Variants in PIGF observed in about 807,000 individuals in gnomAD.
The protein encoded by PIGF is GPI ethanolamine phosphate transferase, stabilizing subunit.
Under a neutral mutation model 26.0 loss-of-function variants are expected in PIGF, and 23 were observed. The observed-to-expected ratio is 0.88, with a 90% confidence interval of 0.64 to 1.25. The LOEUF (loss-of-function observed/expected upper bound fraction) is 1.25. Ranked by LOEUF, PIGF falls within the 50% of genes most tolerant of loss-of-function variation. The pLI is 0.00. For missense variants in PIGF, 278 were observed against 249.9 expected, an observed-to-expected ratio of 1.11 and a Z score of -0.76; for synonymous variants, 93 against 92.6, an observed-to-expected ratio of 1.00 and a Z score of -0.03.
intron 4 of PIGF, among the ~76,000 whole-genome samples, chr2:46,593,130 C>CTTTCT (rs1283210325): frequency 2.3e-5 from 3 of 131,588 alleles, no homozygotes; most frequent in Non-Finnish European, 4.9e-5. Context: ...TTCAACCAGT[C>CTTTCT]TTTCTTTTTT....
intron 4 of PIGF, among the ~76,000 whole-genome samples, chr2:46,607,329 A>G (rs1042996573): frequency 1.3e-5 from 2 of 152,216 alleles, no homozygotes; most frequent in Admixed American, 6.5e-5. Context: ...TTTACCAAGG[A>G]AACCTTTTCC....
Position 46,617,003 on chromosome 2 carries a change from A to T in PIGF, c.-55T>A. 1 of 555,920 alleles carries T rather than the reference A, an allele frequency of 1.8e-6. No individual in the cohort carries two copies. The highest frequency in any genetic ancestry group is 3.2e-6 in the Non-Finnish European group (1 of 312,262). 34.4% of individuals were successfully genotyped at this position (555,920 alleles called of 1,614,324 possible). On this transcript the variant is annotated 5_prime_UTR_variant, in exon 1 of 6. Coordinates refer to ENST00000281382, the MANE Select transcript of PIGF (RefSeq NM_002643.4). The stretch of plus-strand genomic sequence containing the variant: ...CCCTCCCGCGGAAGGGAAGCGGGGA[A>T]CTACTGCCTCCTACCATCAGGTACG...
chr2:46,597,222 C>T (rs534689446), intron 4 of PIGF, among the ~76,000 whole-genome samples: 5 of 146,974 alleles, frequency 3.4e-5, no homozygotes, highest in African/African-American at 1.3e-4. Context: ...CATCTATCTT[C>T]CTTTTTCTTT....
chr2:46,597,027 A>C (rs915954975), intron 4 of PIGF, among the ~76,000 whole-genome samples: 1 of 152,150 alleles, frequency 6.6e-6, no homozygotes, highest in African/African-American at 2.4e-5. Context: ...CACATATTCC[A>C]AAGAAGCTAA....
intron 1 of PIGF, 39 bp from the exon 2 acceptor site, chr2:46,615,224 G>A: frequency 1.2e-6 from 1 of 809,056 alleles, no homozygotes; most frequent in Non-Finnish European, 2.1e-6. Flanking sequence ...ATGCAATAAC[G>A]ACTTTTTCCA....
chr2:46,601,533 T>TA (rs1361121302), intron 4 of PIGF, among the ~76,000 whole-genome samples: 1 of 152,092 alleles, frequency 6.6e-6, no homozygotes, highest in African/African-American at 2.4e-5. Flanking sequence ...TCTCTTCATC[T>TA]AAAAAAGAGA....
chr2:46,592,063 C>G (rs1043555435), intron 5 of PIGF: 1 of 965,174 alleles, frequency 1.0e-6, no homozygotes, highest in Admixed American at 2.6e-5. Context: ...TTAAAAATTC[C>G]TATACTGGCT....
chr2:46,597,239 T>TAAAA (rs112218198), intron 4 of PIGF, among the ~76,000 whole-genome samples: 25,427 of 152,014 alleles, frequency 0.17, 3,418 homozygotes, highest in African/African-American at 0.37. Flanking sequence ...CTTTTCTTTT[T>TAAAA]AAGCACCTCT....
chr2:46,598,591 T>A (rs1669963163), intron 4 of PIGF, among the ~76,000 whole-genome samples: 1 of 149,804 alleles, frequency 6.7e-6, no homozygotes, highest in Non-Finnish European at 1.5e-5. Context: ...GTATTGCATG[T>A]GTGGCTCAAG....
At chr2:46,613,597 G>A (rs1178890104) in intron 3 of PIGF, 97 bp downstream of exon 3, 1 of 797,188 alleles carries the variant, frequency 1.3e-6, no homozygotes, top group East Asian at 2.9e-5. Flanking sequence ...TATTAATGAT[G>A]CACATCATGG....
Position 46,613,919 on chromosome 2 carries a change from C to T in PIGF, c.229-134G>A, listed in dbSNP as rs528692561. ...CAAATGTTCTTGGGTATACTCAAAT[C>T]AGATCACATGTCCTGTACCGTCACA... On this transcript the variant is annotated intron_variant, in intron 2 of 5. Coordinates refer to ENST00000281382, the MANE Select transcript of PIGF (RefSeq NM_002643.4). The T allele has an allele frequency of 4.1e-6, 3 of 726,554 alleles. No homozygotes were observed. The East Asian group carries it at 8.6e-5, about 21-fold the overall frequency. 45.0% of individuals were successfully genotyped at this position (726,554 alleles called of 1,614,324 possible). A position where few individuals can be genotyped will look rare whatever the true frequency, so the allele number is the denominator to read the frequency against.
At chr2:46,593,134 C>CTTT (rs71397007) in intron 4 of PIGF, among the ~76,000 whole-genome samples, 16 of 132,302 alleles carry the variant, frequency 1.2e-4, no homozygotes, top group South Asian at 2.4e-4. Context: ...ACCAGTCTTT[C>CTTT]TTTTTTTTTT....
intron 4 of PIGF, among the ~76,000 whole-genome samples, chr2:46,597,793 C>T (rs1301372354): frequency 6.6e-6 from 1 of 152,162 alleles, no homozygotes; most frequent in African/African-American, 2.4e-5. Context: ...GTTTCCCGTC[C>T]TCTGTAGGTA....
At chr2:46,609,166 C>T (rs1434249121) in intron 4 of PIGF, among the ~76,000 whole-genome samples, 1 of 152,262 alleles carries the variant, frequency 6.6e-6, no homozygotes, top group Non-Finnish European at 1.5e-5. Context: ...CCAGCTTCTA[C>T]ATCAGCACTT....
At chr2:46,611,703 A>G (rs1009691332) in intron 4 of PIGF, among the ~76,000 whole-genome samples, 3 of 152,216 alleles carry the variant, frequency 2.0e-5, no homozygotes, top group Admixed American at 1.3e-4. Flanking sequence ...TAACTTAGCC[A>G]TGCTGAAAAT....
intron 4 of PIGF, among the ~76,000 whole-genome samples, chr2:46,597,963 T>C (rs1669940450): frequency 6.6e-6 from 1 of 152,224 alleles, no homozygotes; most frequent in South Asian, 2.1e-4. Flanking sequence ...GTTCTTAAAA[T>C]TGTCTTCTAC....
chr2:46,581,361 T>C lies in PIGF; in HGVS notation c.*117A>G, dbSNP rs1669363239. On this transcript the variant is annotated 3_prime_UTR_variant, in exon 6 of 6. Transcript: ENST00000281382. ...CATAGTTTAAAAAGCTACAATCACA[T>C]CATGTTGTAACTACGTAAAAAACAG... 6.9e-7 allele frequency: 1 copy of C among 1,450,460 alleles called. No homozygotes were observed. The highest frequency in any genetic ancestry group is 2.4e-5 in the Admixed American group (1 of 41,018). 89.8% of individuals were successfully genotyped at this position (1,450,460 alleles called of 1,614,324 possible).
chr2:46,582,085 C>T (rs1346358235), intron 5 of PIGF: 1 of 154,898 alleles, frequency 6.5e-6, no homozygotes, highest in Non-Finnish European at 1.4e-5. Context: ...GCTGCTTCCA[C>T]CTTTCAGATA....
In PIGF at chr2:46,589,392, A is replaced by C. The variant is rs57134465; in HGVS notation, c.546+3083T>G. 0.15 allele frequency among the ~76,000 whole-genome samples: 23,243 copies of C among 151,894 alleles called. 2,662 individuals carry two copies. The highest frequency in any genetic ancestry group is 0.32 in the African/African-American group (13,346 of 41,360). On this transcript the variant is annotated intron_variant, in intron 5 of 5. Transcript: ENST00000281382. This position sits in a 1 kb window ranked among gnomAD's most constrained non-coding sequence, Gnocchi z 4.7. ...CTTGAAACAGCTCATTACAGAATCC[A>C]CATCACTATAATCTTATGCTTGGCC...
Sources: allele counts gnomAD v4.1 joint callset (sites outside exome capture counted in the v4.1 genomes callset), GRCh38; gene constraint gnomAD v4.1.1; non-coding constraint Gnocchi (gnomAD v3.1); transcripts MANE v1.5; gene names NCBI Gene and HGNC (gene_info 2026-07-23, HGNC 2026-07-21).